Variants in PRMT2 observed in about 807,000 individuals in gnomAD.
The protein encoded by PRMT2 is protein arginine methyltransferase 2.
In PRMT2, 26 loss-of-function variants were observed where a neutral mutation model predicts 57.6. That is an observed-to-expected ratio of 0.45 (90% CI 0.33 to 0.63). The LOEUF is 0.63. Ranked by LOEUF, PRMT2 falls within the 20% of genes least tolerant of loss-of-function variation. PRMT2 has a pLI of 0.02. For synonymous variants in PRMT2, 219 were observed against 220.0 expected (o/e 1.00, Z 0.04); for missense variants, 472 against 564.4 (o/e 0.84, Z 1.66).
intron 10 of PRMT2, 70 bp from the exon 11 acceptor site, chr21:46,663,313 C>T (rs2061658404): frequency 1.3e-6 from 2 of 1,489,040 alleles, no homozygotes; most frequent in African/African-American, 1.4e-5. Context: ...GAGCCTGAGT[C>T]AGCGCCCCGA....
intron 7 of PRMT2, chr21:46,652,066 G>A: frequency 6.2e-7 from 1 of 1,600,634 alleles, no homozygotes; most frequent in Non-Finnish European, 8.5e-7. Flanking sequence ...TAGCATAGGA[G>A]GGGCAGCTTT....
chr21:46,661,743 C>A, intron 9 of PRMT2, 57 bp from the exon 10 acceptor site: 2 of 1,278,864 alleles, frequency 1.6e-6, no homozygotes, highest in Non-Finnish European at 2.0e-6. Context: ...CCGCCCCAAC[C>A]CGGGCCCTGC....
At chr21:46,641,200 G>C (rs2300408) in intron 3 of PRMT2, among the ~76,000 whole-genome samples, 1 of 151,480 alleles carries the variant, frequency 6.6e-6, no homozygotes, top group African/African-American at 2.4e-5. Context: ...ACATAAGCTT[G>C]TCTGTGCACA....
At chr21:46,659,732 A>C in intron 8 of PRMT2, 8 of 985,376 alleles carry the variant, frequency 8.1e-6, no homozygotes, top group Non-Finnish European at 8.4e-6. Flanking sequence ...TCACTGCCAG[A>C]GCCTCCCACC....
intron 3 of PRMT2, among the ~76,000 whole-genome samples, chr21:46,637,985 C>T (rs1177049885): frequency 6.6e-6 from 1 of 152,156 alleles, no homozygotes; most frequent in Non-Finnish European, 1.5e-5. Flanking sequence ...AAAAGCGACA[C>T]TCTAGATAAA....
intron 9 of PRMT2, chr21:46,661,587 G>T: frequency 2.6e-6 from 1 of 390,762 alleles, no homozygotes; most frequent in East Asian, 3.9e-5. Flanking sequence ...GTAGAAAATT[G>T]GGCGCAAGAA....
chr21:46,653,879 A>G (rs1463859009), intron 7 of PRMT2: 3 of 1,018,268 alleles, frequency 2.9e-6, no homozygotes, highest in East Asian at 2.1e-4. Flanking sequence ...ACCTCCTTCT[A>G]CAACAATGCA....
intron 11 of PRMT2, 92 bp downstream of exon 11, chr21:46,663,646 A>C (rs1601961013): frequency 7.5e-7 from 1 of 1,336,414 alleles, no homozygotes; most frequent in Non-Finnish European, 1.0e-6. Flanking sequence ...ATGCTGGCCC[A>C]CACTGGGGTC....
chr21:46,645,721 GTTTTT>G (rs975286483), intron 5 of PRMT2, among the ~76,000 whole-genome samples: 10 of 142,168 alleles, frequency 7.0e-5, no homozygotes, highest in Admixed American at 5.6e-4. Context: ...GTTTGTTTTT[GTTTTT>G]TTTTTTTTGA....
intron 10 of PRMT2, 108 bp from the exon 11 acceptor site, chr21:46,663,274 TG>T: frequency 1.9e-6 from 2 of 1,079,778 alleles, no homozygotes; most frequent in South Asian, 1.7e-5. Context: ...GCCGGCTGTG[TG>T]GGTGCTGTTG....
At chr21:46,652,752 A>G (rs2148989914) in intron 7 of PRMT2, 1 of 1,143,036 alleles carries the variant, frequency 8.7e-7, no homozygotes, top group Non-Finnish European at 1.1e-6. Flanking sequence ...GCAAGTAAAG[A>G]TACCACAGGT....
rs141369818 is a variant in PRMT2 at position 46,643,627 on chromosome 21, C to T, written c.132C>T (p.Thr44=). Residue 44 remains threonine, a synonymous_variant, in exon 4 of 12, where the codon ACC becomes ACT. Transcript: ENST00000355680. ...TGGCCATCGCGGACTACGCTGCCACCGATGAGACCCAGGTAGCCACACGTG... is the reference window on the plus strand; with the variant it reads ...TGGCCATCGCGGACTACGCTGCCACTGATGAGACCCAGGTAGCCACACGTG... ...EFVAIADYAA[T]DETQLSFLRG... 46 of 1,607,904 alleles carry T rather than the reference C, an allele frequency of 2.9e-5. No individual in the cohort carries two copies. Among genetic ancestry groups the T allele is most frequent in the African/African-American group, 5.4e-5 (4 of 74,458 alleles).
intron 10 of PRMT2, 29 bp from the exon 11 acceptor site, chr21:46,663,354 T>A: frequency 1.3e-6 from 2 of 1,592,606 alleles, no homozygotes; most frequent in Non-Finnish European, 1.7e-6. Flanking sequence ...TAGCTCAGCC[T>A]CCAGGTCACA....
intron 7 of PRMT2, chr21:46,657,386 A>C (rs938764917): frequency 2.3e-4 from 35 of 150,646 alleles, no homozygotes; most frequent in East Asian, 5.8e-4. Flanking sequence ...CAAAAAAAAA[A>C]AAAACAAAAC....
Position 46,663,436 on chromosome 21 carries a change from A to G in PRMT2, c.1151A>G (p.His384Arg), listed in dbSNP as rs374774847. Residue 384 changes from histidine (H) to arginine (R), a missense_variant, in exon 11 of 12, where the codon CAT (histidine) becomes CGT (arginine). By Grantham distance (29) the His-to-Arg change is conservative. Coordinates refer to ENST00000355680, the MANE Select transcript of PRMT2 (RefSeq NM_206962.4). ...LFMMDDPVPVHTGDVVTGSVV... is the reference protein window; with the variant it reads ...LFMMDDPVPVRTGDVVTGSVV... ...ATGATGGACGACCCAGTCCCTGTCCATACAGGAGACGTGGTCACGGGTTCA... is the reference window on the plus strand; with the variant it reads ...ATGATGGACGACCCAGTCCCTGTCCGTACAGGAGACGTGGTCACGGGTTCA... 1 of 1,614,106 alleles carries G rather than the reference A, an allele frequency of 6.2e-7. No individual in the cohort carries two copies. The highest frequency in any genetic ancestry group is 1.3e-5 in the African/African-American group (1 of 74,950).
chr21:46,659,146 G>A (rs532606922), intron 8 of PRMT2: 25 of 1,261,054 alleles, frequency 2.0e-5, no homozygotes, highest in East Asian at 6.6e-5. Flanking sequence ...AAAAATTTTC[G>A]TATGTGAAAA....
rs143668921 is a variant in PRMT2, at chr21:46,649,653, A to C, written c.568A>C (p.Thr190Pro). ...GCAGAACGGCTTTGCTGACATCATC[A>C]CCGTGTACCAGCAGAAGGTGGAGGA... ...VLQNGFADII[T>P]VYQQKVEDVV... Residue 190 changes from threonine (T) to proline (P), a missense_variant, in exon 7 of 12, where the codon ACC becomes CCC. Thr to Pro is a conservative substitution (Grantham distance 38). Coordinates refer to ENST00000355680, the MANE Select transcript of PRMT2 (RefSeq NM_206962.4). The surrounding 1 kb of genome is among the most constrained non-coding windows in gnomAD (Gnocchi z 4.8). 2 of 1,613,882 alleles carry C rather than the reference A, an allele frequency of 1.2e-6. No individual in the cohort carries two copies. Among genetic ancestry groups the C allele is most frequent in the Non-Finnish European group, 1.7e-6 (2 of 1,180,026 alleles).
intron 5 of PRMT2, among the ~76,000 whole-genome samples, chr21:46,647,684 A>C (rs765737993): frequency 2.6e-5 from 4 of 152,346 alleles, no homozygotes; most frequent in African/African-American, 4.8e-5. Context: ...TATTTTAAAC[A>C]ATGAGATTTT....
At position 46,644,351 on chromosome 21, in the gene PRMT2, A is replaced by G. The variant is rs1473459699; in HGVS notation, c.190A>G (p.Thr64Ala). 3 of 1,610,334 alleles carry G rather than the reference A, an allele frequency of 1.9e-6. No homozygotes were observed. Among genetic ancestry groups the G allele is most frequent in the East Asian group, 2.2e-5 (1 of 44,738 alleles). The change falls in exon 5 of 12, where the codon ACT becomes GCT. Residue 64 changes from threonine to alanine, a missense_variant. This residue lies in a region of PRMT2 where 243 missense variants were observed against 347.2 expected (regional missense o/e 0.70). Coordinates refer to ENST00000355680, the MANE Select transcript of PRMT2 (RefSeq NM_206962.4). The stretch of plus-strand genomic sequence containing the variant: ...AAAAATTCTTATCCTGAGACAAACC[A>G]CTGCAGATTGGTGGTGGGGTGAGCG... The part of the protein sequence containing the change: ...GEKILILRQT[T>A]ADWWWGERAG...
Sources: gnomAD v4.1 joint callset for allele counts (sites outside exome capture counted in the v4.1 genomes callset) on GRCh38, gnomAD v4.1.1 for gene constraint, gnomAD v4.1.1 regional missense constraint, Gnocchi (gnomAD v3.1) non-coding constraint, MANE v1.5 for transcripts, NCBI Gene and HGNC (gene_info 2026-07-23, HGNC 2026-07-21) for gene names.